CHL1: variants seen among roughly 807,000 people sequenced by gnomAD.
CHL1 encodes cell adhesion molecule L1 like, also known as neural cell adhesion molecule L1-like protein.
A neutral mutation model predicts 141.9 loss-of-function variants in CHL1; 96 were observed. The ratio of observed to expected loss-of-function variants is 0.68; its 90% CI spans 0.57 to 0.80. The LOEUF (loss-of-function observed/expected upper bound fraction) is 0.80, where lower values mean the gene tolerates loss of function less well. CHL1 is among the 30% of genes least tolerant of loss of function. CHL1 has a pLI of 0.00. For missense variants in CHL1, 1,820 were observed against 1,457.2 expected (o/e 1.25, Z -4.05); for synonymous variants, 613 against 502.2 (o/e 1.22, Z -2.95).
At chr3:378,359 G>A (rs942282709) in intron 16 of CHL1, among the ~76,000 whole-genome samples, 3 of 152,162 alleles carry the variant, frequency 2.0e-5, no homozygotes, top group Admixed American at 2.0e-4. Context: ...CAAAGGCACA[G>A]ACTGAGTTCC....
chr3:278,704 G>C (rs1053079868), intron 2 of CHL1, among the ~76,000 whole-genome samples: 1 of 152,152 alleles, frequency 6.6e-6, no homozygotes, highest in Non-Finnish European at 1.5e-5. Flanking sequence ...TGGTAGACTT[G>C]GGTTACTGGA....
chr3:320,204 C>G (rs2125038723), intron 3 of CHL1, among the ~76,000 whole-genome samples: 1 of 152,100 alleles, frequency 6.6e-6, no homozygotes, highest in South Asian at 2.1e-4. Flanking sequence ...GTTAGTTAAT[C>G]AAGATTCAGA....
intron 2 of CHL1, among the ~76,000 whole-genome samples, chr3:286,007 T>C (rs1263361782): frequency 2.6e-5 from 4 of 152,208 alleles, no homozygotes; most frequent in Admixed American, 1.3e-4. Flanking sequence ...ATTACAGTAA[T>C]GAATTATAAA....
At chr3:287,911 G>A (rs538062249) in intron 2 of CHL1, among the ~76,000 whole-genome samples, 7 of 151,054 alleles carry the variant, frequency 4.6e-5, no homozygotes, top group Admixed American at 1.3e-4. Flanking sequence ...GACTACAGGC[G>A]TGCGCCATCA....
chr3:394,644 C>T (rs1158176535), intron 23 of CHL1, 49 bp from the exon 24 acceptor site: 1 of 1,341,734 alleles, frequency 7.5e-7, no homozygotes, highest in Non-Finnish European at 1.0e-6. Context: ...AAGAATGCAA[C>T]TTGAATGGTT....
intron 16 of CHL1, among the ~76,000 whole-genome samples, chr3:381,267 T>G (rs982271200): frequency 2.0e-5 from 3 of 152,174 alleles, no homozygotes; most frequent in Non-Finnish European, 4.4e-5. Context: ...CAGAGCCTGA[T>G]GCGATTGAAC....
chr3:230,363 C>T (rs1574785685), intron 1 of CHL1, among the ~76,000 whole-genome samples: 1 of 152,184 alleles, frequency 6.6e-6, no homozygotes, highest in Admixed American at 6.5e-5. Context: ...GCAGGCTCTG[C>T]ATCCACAGCC....
chr3:387,275 G>A (rs1398408282), intron 19 of CHL1, among the ~76,000 whole-genome samples: 1 of 152,136 alleles, frequency 6.6e-6, no homozygotes, highest in Non-Finnish European at 1.5e-5. Flanking sequence ...CCCACGTTAA[G>A]AACCTCTTTT....
intron 1 of CHL1, among the ~76,000 whole-genome samples, chr3:212,489 T>C (rs1699979738): frequency 6.6e-6 from 1 of 152,188 alleles, no homozygotes; most frequent in Non-Finnish European, 1.5e-5. Flanking sequence ...ACTAGACACC[T>C]GCAACCTTTC....
chr3:230,768 A>G (rs1225274380), intron 1 of CHL1, among the ~76,000 whole-genome samples: 1 of 152,192 alleles, frequency 6.6e-6, no homozygotes, highest in Admixed American at 6.6e-5. Context: ...TTATAGGCAG[A>G]TTGCAATAAA....
At chr3:357,304 T>C (rs961978785) in intron 11 of CHL1, among the ~76,000 whole-genome samples, 8 of 152,200 alleles carry the variant, frequency 5.3e-5, no homozygotes, top group African/African-American at 1.9e-4. Flanking sequence ...CTCTTTAAGC[T>C]TATTTTAGTT....
intron 3 of CHL1, among the ~76,000 whole-genome samples, chr3:324,033 C>A (rs1700808999): frequency 6.6e-6 from 1 of 152,030 alleles, no homozygotes; most frequent in South Asian, 2.1e-4. Context: ...AAGACTTTTT[C>A]AGTTTTTATT....
At chr3:390,928 A>G (rs930977405) in intron 21 of CHL1, 27 bp from the exon 22 acceptor site, 1 of 1,595,390 alleles carries the variant, frequency 6.3e-7, no homozygotes, top group Admixed American at 1.7e-5. Flanking sequence ...CAATGGATAT[A>G]CTAAAAGATT....
chr3:332,781 A>C (rs998358539), intron 5 of CHL1, among the ~76,000 whole-genome samples: 18 of 152,192 alleles, frequency 1.2e-4, no homozygotes, highest in Non-Finnish European at 2.1e-4. Context: ...TGTATATTAC[A>C]TTTATATACT....
intron 2 of CHL1, among the ~76,000 whole-genome samples, chr3:273,515 C>T (rs1190858915): frequency 6.6e-6 from 1 of 152,044 alleles, no homozygotes; most frequent in Non-Finnish European, 1.5e-5. Context: ...TCCTCCAGTC[C>T]CTTATTGTTT....
chr3:245,182 A>T (rs1016900263), intron 2 of CHL1, among the ~76,000 whole-genome samples: 6 of 152,222 alleles, frequency 3.9e-5, no homozygotes, highest in African/African-American at 1.4e-4. Flanking sequence ...TTGAAATCTG[A>T]CCTGAATCCT....
At chr3:225,649 C>T (rs936061678) in intron 1 of CHL1, among the ~76,000 whole-genome samples, 1 of 152,088 alleles carries the variant, frequency 6.6e-6, no homozygotes, top group Non-Finnish European at 1.5e-5. Context: ...CACAAAACCA[C>T]CACTGTCCAG....
chr3:278,300 A>G (rs926732062), intron 2 of CHL1, among the ~76,000 whole-genome samples: 7 of 152,194 alleles, frequency 4.6e-5, no homozygotes, highest in Non-Finnish European at 8.8e-5. Flanking sequence ...TGTGGCCCAT[A>G]GGAGATCCCA....
chr3:382,228 G>A lies in CHL1; in HGVS notation c.1926G>A (p.Arg642=), dbSNP rs763642714. ...ENLHLSERQN[R]SVRLTWEAGA... ...TTCACTTGTCTGAAAGACAGAACAGGAGTGTTCGGCTGACCTGGGAAGCTG... is the reference window on the plus strand; with the variant it reads ...TTCACTTGTCTGAAAGACAGAACAGAAGTGTTCGGCTGACCTGGGAAGCTG... Residue 642 remains arginine (R), a synonymous_variant, in exon 17 of 28, where the codon AGG becomes AGA. Coordinates refer to ENST00000256509, the MANE Select transcript of CHL1 (RefSeq NM_006614.4). The A allele has an allele frequency of 8.7e-6, 14 of 1,613,702 alleles. No homozygotes were observed. Among genetic ancestry groups the A allele is most frequent in the African/African-American group, 4.0e-5 (3 of 74,908 alleles).
Sources: allele counts gnomAD v4.1 joint callset (sites outside exome capture counted in the v4.1 genomes callset), GRCh38; gene constraint gnomAD v4.1.1; transcripts MANE v1.5; gene names NCBI Gene and HGNC (gene_info 2026-07-23, HGNC 2026-07-21).